The following SPTLC3 variants were observed in gnomAD, a reference collection of about 807,000 sequenced individuals.
SPTLC3 encodes the protein serine palmitoyltransferase long chain base subunit 3.
A neutral mutation model predicts 59.3 loss-of-function variants in SPTLC3; 36 were observed. The observed-to-expected ratio is 0.61, with a 90% CI of 0.47 to 0.80. The LOEUF (loss-of-function observed/expected upper bound fraction) is 0.80. Among genes scored for constraint, SPTLC3 ranks in the 30% least tolerant of loss-of-function variants. The pLI, the probability that SPTLC3 is intolerant of heterozygous loss-of-function variation, is 0.00. For missense variants in SPTLC3, 625 were observed against 685.1 expected (o/e 0.91, Z 0.98); for synonymous variants, 257 against 240.8 (o/e 1.07, Z -0.62).
chr20:13,146,307 G>A (rs186486866), intron 9 of SPTLC3, among the ~76,000 whole-genome samples: 1 of 152,248 alleles, frequency 6.6e-6, no homozygotes, highest in East Asian at 1.9e-4. Flanking sequence ...GAGAGGAGCA[G>A]AAGAGAGAAC....
chr20:13,088,716 T>C (rs1251643321), intron 4 of SPTLC3, among the ~76,000 whole-genome samples: 2 of 151,232 alleles, frequency 1.3e-5, no homozygotes, highest in African/African-American at 4.9e-5. Flanking sequence ...CCTCCCAAGT[T>C]CAAGCAATTC....
intron 2 of SPTLC3, 69 bp downstream of exon 2, chr20:13,049,199 G>C: frequency 6.4e-7 from 1 of 1,551,494 alleles, no homozygotes; most frequent in South Asian, 1.1e-5. Flanking sequence ...CAGAAGTGGT[G>C]ATGCAGGTGC....
Position 13,009,028 on chromosome 20 carries a change from G to T in SPTLC3, c.-240G>T, listed in dbSNP as rs2122340810. 1 of 401,258 alleles carries T rather than the reference G, an allele frequency of 2.5e-6. No individual in the cohort carries two copies. Among genetic ancestry groups the T allele is most frequent in the Non-Finnish European group, 4.5e-6 (1 of 221,980 alleles). 24.9% of individuals were successfully genotyped at this position (401,258 alleles called of 1,614,324 possible). On this transcript the variant is annotated 5_prime_UTR_variant, in exon 1 of 12. Coordinates refer to ENST00000399002, the MANE Select transcript of SPTLC3 (RefSeq NM_018327.4). ...CCTTTACAGTTTCGGAAGCAGGTTTGTTGCCATGGAGTTCACATTTTGACG... is the reference window on the plus strand; with the variant it reads ...CCTTTACAGTTTCGGAAGCAGGTTTTTTGCCATGGAGTTCACATTTTGACG...
chr20:13,097,944 T>C (rs1309463111), intron 6 of SPTLC3, among the ~76,000 whole-genome samples: 2 of 152,106 alleles, frequency 1.3e-5, no homozygotes, highest in African/African-American at 2.4e-5. Flanking sequence ...GGAAGATGCA[T>C]GGTAAATTAG....
At chr20:13,094,152 G>C (rs1043049218) in intron 6 of SPTLC3, among the ~76,000 whole-genome samples, 13 of 152,112 alleles carry the variant, frequency 8.5e-5, no homozygotes, top group Non-Finnish European at 1.6e-4. Context: ...GAAATTATCA[G>C]GAAACACTTT....
chr20:13,139,177 A>G (rs2122873106), intron 9 of SPTLC3, among the ~76,000 whole-genome samples: 1 of 152,310 alleles, frequency 6.6e-6, no homozygotes, highest in African/African-American at 2.4e-5. Flanking sequence ...TTGTGACATT[A>G]CTTGGTGACT....
At chr20:13,136,414 T>C (rs1482006634) in intron 9 of SPTLC3, among the ~76,000 whole-genome samples, 3 of 151,618 alleles carry the variant, frequency 2.0e-5, no homozygotes, top group Non-Finnish European at 2.9e-5. Context: ...CTGGGCAACA[T>C]GGCAAAACCC....
At chr20:13,123,955 C>A (rs1366257679) in intron 8 of SPTLC3, among the ~76,000 whole-genome samples, 1 of 152,144 alleles carries the variant, frequency 6.6e-6, no homozygotes, top group African/African-American at 2.4e-5. Flanking sequence ...ACGGAACATG[C>A]CACTGTGAAG....
At chr20:13,027,170 A>G (rs2122413824) in intron 1 of SPTLC3, among the ~76,000 whole-genome samples, 1 of 152,322 alleles carries the variant, frequency 6.6e-6, no homozygotes, top group East Asian at 1.9e-4. Flanking sequence ...AACAGGTTGT[A>G]TTTGAATCTT....
At chr20:13,046,272 G>A (rs1200759705) in intron 1 of SPTLC3, among the ~76,000 whole-genome samples, 1 of 152,036 alleles carries the variant, frequency 6.6e-6, no homozygotes, top group African/African-American at 2.4e-5. Context: ...ACTCAGTCAG[G>A]GTCTTCCTTT....
chr20:13,070,803 G>T (rs1006235943), intron 2 of SPTLC3, among the ~76,000 whole-genome samples: 1 of 152,110 alleles, frequency 6.6e-6, no homozygotes, highest in Non-Finnish European at 1.5e-5. Context: ...TCAGGAGTGA[G>T]GTGGGAGCCA....
intron 9 of SPTLC3, among the ~76,000 whole-genome samples, chr20:13,153,196 G>A (rs1440356155): frequency 6.6e-6 from 1 of 152,180 alleles, no homozygotes; most frequent in African/African-American, 2.4e-5. Context: ...TTTGAAGCAG[G>A]ACCCGAGTAG....
In SPTLC3 at chr20:13,126,722, G is replaced by A. The variant is rs2038001661; in HGVS notation, c.1279+5G>A. 6.2e-7 allele frequency: 1 copy of A among 1,613,730 alleles called. No homozygotes were observed. Among genetic ancestry groups the A allele is most frequent in the Non-Finnish European group, 8.5e-7 (1 of 1,179,880 alleles). On this transcript the variant is annotated splice_donor_5th_base_variant and intron_variant, in intron 9 of 11. Transcript: ENST00000399002. ...GACTGGATGGGACCACTCAAGGTAA[G>A]AGGATCTGCAGAGAGCACAGCTCCT...
chr20:13,099,373 C>T (rs751007602), intron 6 of SPTLC3, among the ~76,000 whole-genome samples: 3 of 152,192 alleles, frequency 2.0e-5, no homozygotes, highest in Non-Finnish European at 2.9e-5. Flanking sequence ...TTGATTTTCA[C>T]CCAGTCGAAC....
intron 9 of SPTLC3, among the ~76,000 whole-genome samples, chr20:13,139,228 T>A (rs2038322897): frequency 6.6e-6 from 1 of 152,108 alleles, no homozygotes; most frequent in Non-Finnish European, 1.5e-5. Flanking sequence ...CACAGAAAAA[T>A]TTGGGTTTCT....
chr20:13,134,294 T>C (rs899397396), intron 9 of SPTLC3, among the ~76,000 whole-genome samples: 5 of 152,242 alleles, frequency 3.3e-5, no homozygotes, highest in African/African-American at 1.2e-4. Flanking sequence ...TCCGAATACT[T>C]AACATCAGCA....
chr20:13,117,431 T>C (rs532176677), intron 7 of SPTLC3, 75 bp from the exon 8 acceptor site: 1 of 1,347,602 alleles, frequency 7.4e-7, no homozygotes, highest in South Asian at 1.4e-5. Flanking sequence ...CTGTCTAGGA[T>C]GTATTGATGG....
At chr20:13,142,446 GGAAC>G (rs1234548336) in intron 9 of SPTLC3, among the ~76,000 whole-genome samples, 4 of 152,190 alleles carry the variant, frequency 2.6e-5, no homozygotes, top group African/African-American at 9.7e-5. Flanking sequence ...AGGGTAAAGG[GGAAC>G]TGGTATTCCA....
chr20:13,094,436 CA>C (rs1407377421), intron 6 of SPTLC3, among the ~76,000 whole-genome samples: 2 of 152,092 alleles, frequency 1.3e-5, no homozygotes, highest in Admixed American at 1.3e-4. Flanking sequence ...TGTACACACA[CA>C]AATTTGTTTT....
Sources: gnomAD v4.1 joint callset for allele counts (sites outside exome capture counted in the v4.1 genomes callset) on GRCh38, gnomAD v4.1.1 for gene constraint, MANE v1.5 for transcripts, NCBI Gene and HGNC (gene_info 2026-07-23, HGNC 2026-07-21) for gene names.